Variants in ITGB1 observed in about 807,000 individuals in gnomAD.
ITGB1 encodes integrin subunit beta 1.
Under a neutral mutation model 86.5 loss-of-function variants are expected in ITGB1, and 24 were observed. The ratio of observed to expected loss-of-function variants is 0.28; its 90% confidence interval spans 0.20 to 0.39. ITGB1 has a LOEUF of 0.39. Among genes scored for constraint, ITGB1 ranks in the 10% least tolerant of loss-of-function variants. The pLI, the probability that ITGB1 is intolerant of heterozygous loss-of-function variation, is 1.00. For synonymous variants in ITGB1, 323 were observed against 316.8 expected (o/e 1.02, Z -0.21); for missense variants, 556 against 946.9 (o/e 0.59, Z 5.42).
At chr10:32,942,566 C>T (rs1205465540) in intron 1 of ITGB1, among the ~76,000 whole-genome samples, 1 of 152,134 alleles carries the variant, frequency 6.6e-6, no homozygotes, top group Non-Finnish European at 1.5e-5. Context: ...AGTCCATGCT[C>T]AAAACTCTTT....
rs151093596 is a variant in ITGB1, at chr10:32,952,729, A to G, written c.-1+5416T>C. Among the ~76,000 whole-genome samples the G allele has an allele frequency of 1.5e-3, 234 of 152,262 alleles. 1 individual carries two copies. The highest frequency in any genetic ancestry group is 2.9e-3 in the Non-Finnish European group (198 of 68,014). On this transcript the variant is annotated intron_variant, in intron 1 of 15. Transcript: ENST00000302278. Reference sequence around the variant, plus strand: ...AACTATACTCCCTACACAAAATAGAATGCTGATTTTTCTTCTTCCTTTCTG... The same window carrying G: ...AACTATACTCCCTACACAAAATAGAGTGCTGATTTTTCTTCTTCCTTTCTG...
At chr10:32,935,668 G>T in intron 1 of ITGB1, 110 bp from the exon 2 acceptor site, 2 of 764,348 alleles carry the variant, frequency 2.6e-6, no homozygotes, top group Non-Finnish European at 4.3e-6. Context: ...AAACATGATG[G>T]CTCTCAAACC....
chr10:32,920,368 G>A lies in ITGB1; in HGVS notation c.1146C>T (p.Val382=), dbSNP rs1178760338. The change falls in exon 10 of 16, where the codon GTC becomes GTT. Residue 382 remains valine (V), a synonymous_variant. Coordinates refer to ENST00000302278, the MANE Select transcript of ITGB1 (RefSeq NM_002211.4). ...IDAYNSLSSE[V]ILENGKLSEG... is the part of the protein sequence containing the mutation. ...CTGACAATTTGCCGTTTTCCAAAAT[G>A]ACTTCTGAGGAAAGGGACTAAAAGA... The A allele has an allele frequency of 6.2e-7, 1 of 1,613,268 alleles. No individual in the cohort carries two copies. Among genetic ancestry groups the A allele is most frequent in the Non-Finnish European group, 8.5e-7 (1 of 1,179,570 alleles).
intron 6 of ITGB1, among the ~76,000 whole-genome samples, chr10:32,925,234 T>C (rs2094961131): frequency 6.6e-6 from 1 of 152,200 alleles, no homozygotes; most frequent in South Asian, 2.1e-4. Context: ...ACATAGCTGC[T>C]ACATGGATCA....
chr10:32,908,786 C>G (rs1474988486), intron 14 of ITGB1, among the ~76,000 whole-genome samples: 1 of 152,010 alleles, frequency 6.6e-6, no homozygotes, highest in East Asian at 1.9e-4. Context: ...GTAATATTTA[C>G]TACAGAATGA....
At chr10:32,915,706 C>T (rs548324304) in intron 11 of ITGB1, among the ~76,000 whole-genome samples, 7 of 152,194 alleles carry the variant, frequency 4.6e-5, no homozygotes, top group South Asian at 2.1e-4. Flanking sequence ...CAAGACCAGA[C>T]GGATTCACAG....
chr10:32,903,698 TG>T (rs367636013), intron 15 of ITGB1, among the ~76,000 whole-genome samples: 1 of 152,270 alleles, frequency 6.6e-6, no homozygotes, highest in African/African-American at 2.4e-5. Context: ...GCATATAATG[TG>T]GATGACAAAA....
intron 1 of ITGB1, among the ~76,000 whole-genome samples, chr10:32,941,684 A>C (rs751183396): frequency 6.6e-6 from 1 of 152,204 alleles, no homozygotes; most frequent in Non-Finnish European, 1.5e-5. Context: ...GAAGACAAAT[A>C]CAGAATTTAC....
At chr10:32,911,794 C>T (rs923723667) in intron 12 of ITGB1, 92 bp downstream of exon 12, 3 of 1,418,064 alleles carry the variant, frequency 2.1e-6, no homozygotes, top group Non-Finnish European at 2.9e-6. Flanking sequence ...CCTCAAGCTA[C>T]CCCTTTTCTA....
At chr10:32,950,562 G>GA (rs1383516444) in intron 1 of ITGB1, among the ~76,000 whole-genome samples, 1 of 151,162 alleles carries the variant, frequency 6.6e-6, no homozygotes, top group African/African-American at 2.4e-5. Context: ...GAATAGAGAA[G>GA]AAAAAAAAGG....
At chr10:32,947,416 G>T (rs187803635) in intron 1 of ITGB1, among the ~76,000 whole-genome samples, 1 of 129,782 alleles carries the variant, frequency 7.7e-6, no homozygotes. Context: ...CTAAAGCCAG[G>T]TGATTCACAT....
chr10:32,934,271 A>C (rs2094993670), intron 2 of ITGB1, among the ~76,000 whole-genome samples: 1 of 152,204 alleles, frequency 6.6e-6, no homozygotes, highest in South Asian at 2.1e-4. Context: ...GAACATGTAC[A>C]TACTTTTCTT....
At chr10:32,941,291 C>G (rs2137250485) in intron 1 of ITGB1, among the ~76,000 whole-genome samples, 2 of 152,190 alleles carry the variant, frequency 1.3e-5, no homozygotes, top group East Asian at 3.9e-4. Context: ...CACTTTTTCT[C>G]TCTTTATAGA....
chr10:32,951,833 G>C (rs551073202), intron 1 of ITGB1: 6 of 152,196 alleles, frequency 3.9e-5, no homozygotes, highest in Non-Finnish European at 7.4e-5. Context: ...AAAGATAATT[G>C]TGAGTGGAGC....
intron 2 of ITGB1, chr10:32,933,451 C>T (rs2094990583): frequency 6.6e-6 from 1 of 152,158 alleles, no homozygotes; most frequent in African/African-American, 2.4e-5. Flanking sequence ...GCTCTATGTT[C>T]AAAGTATGTT....
At chr10:32,908,893 T>A (rs905822167) in intron 14 of ITGB1, among the ~76,000 whole-genome samples, 20 of 152,214 alleles carry the variant, frequency 1.3e-4, no homozygotes, top group Non-Finnish European at 2.4e-4. Context: ...TCTTTCAGAC[T>A]GAATAAATGG....
chr10:32,910,930 G>T (rs1032938603), intron 13 of ITGB1, among the ~76,000 whole-genome samples: 10 of 151,872 alleles, frequency 6.6e-5, no homozygotes, highest in Non-Finnish European at 1.3e-4. Context: ...GTAGAGATGG[G>T]GTTTCACCAC....
chr10:32,928,349 C>T (rs1046014541), intron 4 of ITGB1, 85 bp from the exon 5 acceptor site: 19 of 639,742 alleles, frequency 3.0e-5, no homozygotes, highest in Non-Finnish European at 2.5e-5. Context: ...GTGGTTTACA[C>T]GGTAAACACA....
intron 2 of ITGB1, among the ~76,000 whole-genome samples, chr10:32,932,975 C>G (rs71493154): frequency 0.14 from 20,675 of 151,874 alleles, 1,703 homozygotes; most frequent in East Asian, 0.25. Flanking sequence ...CTACAGTCAC[C>G]CTGTTGTGCT....
Sources: gnomAD v4.1 joint callset for allele counts (sites outside exome capture counted in the v4.1 genomes callset) on GRCh38, gnomAD v4.1.1 for gene constraint, MANE v1.5 for transcripts, NCBI Gene and HGNC (gene_info 2026-07-23, HGNC 2026-07-21) for gene names.